Variants in CSN3 observed in about 807,000 individuals in gnomAD.
CSN3 encodes the protein casein kappa, also known as kappa-casein.
Under a neutral mutation model 9.9 loss-of-function variants are expected in CSN3, and 7 were observed. That is an observed-to-expected ratio of 0.71 (90% CI 0.40 to 1.33). The LOEUF is 1.33. Ranked by LOEUF, CSN3 falls within the 40% of genes most tolerant of loss-of-function variation. The probability of loss-of-function intolerance (pLI) is 0.01; values close to 1 mark genes in which losing one functional copy is unlikely to be tolerated. For missense variants in CSN3, 253 were observed against 227.9 expected, an observed-to-expected ratio of 1.11 and a Z score of -0.71; for synonymous variants, 88 against 82.3, an observed-to-expected ratio of 1.07 and a Z score of -0.37.
chr4:70,249,136 G>A, exon 4 of CSN3: 1 of 1,614,016 alleles, frequency 6.2e-7, no homozygotes, highest in Non-Finnish European at 8.5e-7. Flanking sequence ...TAATCCATAT[G>A]TGCCTCGCAC....
At chr4:70,249,324 T>C in exon 4 of CSN3, 1 of 1,614,066 alleles carries the variant, frequency 6.2e-7, no homozygotes, top group African/African-American at 1.3e-5. Flanking sequence ...ATACCATTGC[T>C]ACTGTTGAAC....
chr4:70,244,484 T>C (rs1730335176), intron 1 of CSN3, among the ~76,000 whole-genome samples: 1 of 152,030 alleles, frequency 6.6e-6, no homozygotes. Flanking sequence ...CTCTTACAGT[T>C]GTTTTTCAGT....
At chr4:70,243,292 C>A in intron 1 of CSN3, 1 of 279,628 alleles carries the variant, frequency 3.6e-6, no homozygotes, top group Non-Finnish European at 5.4e-6. Context: ...ACTGTGTGAA[C>A]TGATAAGGGG....
At chr4:70,243,907 G>A (rs1030451951) in intron 1 of CSN3, among the ~76,000 whole-genome samples, 1 of 151,868 alleles carries the variant, frequency 6.6e-6, no homozygotes, top group Non-Finnish European at 1.5e-5. Flanking sequence ...ATGATTACTG[G>A]AGAAGTATGT....
chr4:70,245,020 T>C (rs531604175), intron 2 of CSN3, 147 bp downstream of exon 2: 1 of 383,842 alleles, frequency 2.6e-6, no homozygotes, highest in East Asian at 3.9e-5. Flanking sequence ...ATTTTTTTAA[T>C]ATTTATTTCT....
intron 2 of CSN3, among the ~76,000 whole-genome samples, chr4:70,245,354 A>T (rs1262904715): frequency 2.0e-5 from 3 of 152,144 alleles, no homozygotes; most frequent in Admixed American, 6.6e-5. Flanking sequence ...AAAGACCTTG[A>T]TACTTCTGCC....
upstream of CSN3, chr4:70,242,468 C>G (rs565500908): frequency 1.1e-4 from 13 of 119,878 alleles, no homozygotes; most frequent in Non-Finnish European, 2.4e-4. Flanking sequence ...CCACTCCCCC[C>G]ACCCCACCAC....
exon 4 of CSN3, chr4:70,249,378 C>G (rs1261244588): frequency 6.2e-7 from 1 of 1,613,960 alleles, no homozygotes; most frequent in Non-Finnish European, 8.5e-7. Context: ...ACAGTGTAGT[C>G]ACTCCAGAAG....
chr4:70,242,923 C>T (rs1332715398), intron 1 of CSN3, among the ~76,000 whole-genome samples: 1 of 151,970 alleles, frequency 6.6e-6, no homozygotes, highest in Non-Finnish European at 1.5e-5. Flanking sequence ...TTGTGAATTC[C>T]GAACAAGAAG....
chr4:70,244,133 A>C (rs527702249), intron 1 of CSN3, among the ~76,000 whole-genome samples: 1 of 152,230 alleles, frequency 6.6e-6, no homozygotes, highest in Non-Finnish European at 1.5e-5. Context: ...CAAAAAATGT[A>C]TAGTCATACA....
At position 70,249,086 on chromosome 4, in the gene CSN3, G is replaced by A. The variant is rs977578129; in HGVS notation, c.176G>A (p.Gly59Glu). The change falls in exon 4 of 5, where the codon GGA becomes GAA. Residue 59 changes from glycine to glutamate, a missense_variant. Gly to Glu is a moderately conservative substitution (Grantham distance 98). Coordinates refer to ENST00000304954, the Ensembl canonical transcript of CSN3. The stretch of plus-strand genomic sequence containing the variant: ...GTGCCAAATAGCTATCCTTATTATG[G>A]AACCAATTTGTACCAACGTAGACCA... 4.3e-6 allele frequency: 7 copies of A among 1,613,610 alleles called. No individual in the cohort carries two copies. In the African/African-American group the frequency reaches 6.7e-5, roughly 15 times the overall value.
At chr4:70,246,936 T>C (rs1409479641) in intron 2 of CSN3, among the ~76,000 whole-genome samples, 1 of 152,098 alleles carries the variant, frequency 6.6e-6, no homozygotes, top group African/African-American at 2.4e-5. Context: ...CCTCCCAAAG[T>C]GCTGGGATTA....
chr4:70,250,045 T>C (rs1730453698), intron 4 of CSN3, among the ~76,000 whole-genome samples: 2 of 152,170 alleles, frequency 1.3e-5, no homozygotes, highest in Non-Finnish European at 2.9e-5. Context: ...TATTCTAAGA[T>C]AAACCCATGG....
upstream of CSN3, among the ~76,000 whole-genome samples, chr4:70,242,022 T>C (rs1208879178): frequency 6.6e-6 from 1 of 151,982 alleles, no homozygotes; most frequent in African/African-American, 2.4e-5. Flanking sequence ...CCACAGTCAA[T>C]GCCAGATGTA....
intron 2 of CSN3, among the ~76,000 whole-genome samples, chr4:70,246,615 G>T (rs896475194): frequency 2.7e-5 from 4 of 150,842 alleles, no homozygotes; most frequent in East Asian, 1.9e-4. Flanking sequence ...TCGCATTAAG[G>T]TATCTAGATT....
intron 2 of CSN3, among the ~76,000 whole-genome samples, chr4:70,245,148 C>T (rs1161373601): frequency 6.6e-6 from 1 of 151,918 alleles, no homozygotes; most frequent in Non-Finnish European, 1.5e-5. Flanking sequence ...AAAATACATT[C>T]AGGGGAAAAA....
intron 1 of CSN3, among the ~76,000 whole-genome samples, 197 bp from the exon 2 acceptor site, chr4:70,244,615 T>C (rs1730338448): frequency 6.6e-6 from 1 of 152,068 alleles, no homozygotes; most frequent in Non-Finnish European, 1.5e-5. Flanking sequence ...GTTAATATTG[T>C]CAAAAATTAA....
chr4:70,246,526 A>T (rs1430186710), intron 2 of CSN3, among the ~76,000 whole-genome samples: 4 of 152,104 alleles, frequency 2.6e-5, no homozygotes, highest in Non-Finnish European at 5.9e-5. Flanking sequence ...AATAAAAAAA[A>T]GAGACACCAC....
At chr4:70,248,878 C>T in intron 3 of CSN3, 120 bp from the exon 4 acceptor site, 3 of 602,546 alleles carry the variant, frequency 5.0e-6, no homozygotes, top group Non-Finnish European at 8.2e-6. Context: ...TGCTGGGTTC[C>T]ATACTTCTAA....
Sources: allele counts gnomAD v4.1 joint callset (sites outside exome capture counted in the v4.1 genomes callset), GRCh38; gene constraint gnomAD v4.1.1; transcripts MANE v1.5; gene names NCBI Gene and HGNC (gene_info 2026-07-23, HGNC 2026-07-21).